Variants in HMCN2 observed in about 807,000 individuals in gnomAD.
HMCN2 encodes the protein hemicentin 2.
In HMCN2, 325 loss-of-function variants were observed where a neutral mutation model predicts 377.5. The observed-to-expected ratio is 0.86, with a 90% CI of 0.79 to 0.94. HMCN2 has a LOEUF of 0.94. Ranked by LOEUF, HMCN2 falls within the 40% of genes least tolerant of loss-of-function variation. The probability of loss-of-function intolerance (pLI) is 0.00; values close to 1 mark genes in which losing one functional copy is unlikely to be tolerated. For synonymous variants in HMCN2, 2,007 were observed against 2,046.8 expected, an observed-to-expected ratio of 0.98 and a Z score of 0.53; for missense variants, 4,543 against 4,725.3, an observed-to-expected ratio of 0.96 and a Z score of 1.13.
chr9:130,395,884 G>A (rs896455218), intron 71 of HMCN2, 40 bp from the exon 72 acceptor site: 19 of 1,264,472 alleles, frequency 1.5e-5, no homozygotes, highest in Non-Finnish European at 1.6e-5. Flanking sequence ...ACGCAGCTGG[G>A]CACTGATAAG....
chr9:130,303,035 C>T lies in HMCN2; in HGVS notation c.1421+34C>T, dbSNP rs535402020. On this transcript the variant is annotated intron_variant, in intron 9 of 97. Transcript: ENST00000683500. The surrounding 1 kb of genome is among the most constrained non-coding windows in gnomAD (Gnocchi z 5.2). The stretch of plus-strand genomic sequence containing the variant: ...CCCACGGCAGCTGATTGTCCCCAGC[C>T]ACAGGGCTCCTGGCTGCTGAGGCCC... 11 of 451,214 alleles carry T rather than the reference C, an allele frequency of 2.4e-5. No individual in the cohort carries two copies. Among genetic ancestry groups the T allele is most frequent in the South Asian group, 1.6e-4 (10 of 61,100 alleles). The allele number at this position is 451,214 out of a possible 1,614,324, so 28.0% of individuals were successfully genotyped here.
chr9:130,307,388 C>T (rs1443213180), intron 13 of HMCN2, 65 bp from the exon 14 acceptor site: 2 of 466,552 alleles, frequency 4.3e-6, no homozygotes, highest in East Asian at 7.0e-5. Context: ...TCCCTGAAGC[C>T]GTGGAAGACT....
chr9:130,365,711 C>T lies in HMCN2; in HGVS notation c.6489C>T (p.Tyr2163=). 3.0e-6 allele frequency: 3 copies of T among 985,858 alleles called. No individual in the cohort carries two copies. The highest frequency in any genetic ancestry group is 2.4e-6 in the Non-Finnish European group (2 of 829,906). The allele number at this position is 985,858 out of a possible 1,614,324, so 61.1% of individuals were successfully genotyped here. A position where few individuals can be genotyped will look rare whatever the true frequency, so the allele number is the denominator to read the frequency against. ...AGGCCGGCCACTCAGAGAAACACTACAATCTGAACGTCTGGGGTGAGGGTC... is the reference window on the plus strand; with the variant it reads ...AGGCCGGCCACTCAGAGAAACACTATAATCTGAACGTCTGGGGTGAGGGTC... ...LNQAGHSEKH[Y]NLNVWVAPVF... Residue 2163 remains tyrosine, a synonymous_variant, in exon 42 of 98, where the codon TAC becomes TAT. Transcript: ENST00000683500.
At chr9:130,332,725 C>T (rs1210275664) in intron 22 of HMCN2, among the ~76,000 whole-genome samples, 2 of 152,220 alleles carry the variant, frequency 1.3e-5, no homozygotes, top group African/African-American at 4.8e-5. Flanking sequence ...GGTCAGGCTA[C>T]AGGAAGAAGA....
intron 94 of HMCN2, 153 bp from the exon 95 acceptor site, chr9:130,430,131 G>C: frequency 1.5e-6 from 1 of 677,676 alleles, no homozygotes; most frequent in Non-Finnish European, 2.5e-6. Flanking sequence ...GAGTTGGTCC[G>C]GGAGAGGGGG....
At chr9:130,300,829 T>C (rs7021965) in intron 8 of HMCN2, among the ~76,000 whole-genome samples, 54,027 of 152,098 alleles carry the variant, frequency 0.36, 11,526 homozygotes, top group African/African-American at 0.61. Flanking sequence ...GGGAGAAGGG[T>C]GGATCTTTGG....
At chr9:130,267,476 A>ACG (rs1554919634) in intron 1 of HMCN2, among the ~76,000 whole-genome samples, 3,634 of 149,862 alleles carry the variant, frequency 0.024, 164 homozygotes, top group African/African-American at 0.075. Context: ...ACACACACAC[A>ACG]CGCACAGATT....
intron 1 of HMCN2, among the ~76,000 whole-genome samples, chr9:130,270,645 ATATT>A (rs1231369016): frequency 6.7e-6 from 1 of 149,214 alleles, no homozygotes; most frequent in African/African-American, 2.4e-5. Flanking sequence ...TTATGTATCA[ATATT>A]TATTTATTAG....
At chr9:130,400,996 G>GAGC in intron 77 of HMCN2, 49 bp downstream of exon 77, 1 of 1,249,342 alleles carries the variant, frequency 8.0e-7, no homozygotes, top group Non-Finnish European at 1.0e-6. Flanking sequence ...GAGACTGGGA[G>GAGC]AGCAGGCAGA....
rs968978662 is a variant in HMCN2 at position 130,423,690 on chromosome 9, C to T, written c.13381+964C>T. Among the ~76,000 whole-genome samples, 2 of 152,218 alleles carry T rather than the reference C, an allele frequency of 1.3e-5. No homozygotes were observed. The highest frequency in any genetic ancestry group is 6.5e-5 in the Admixed American group (1 of 15,276). On this transcript the variant is annotated intron_variant, in intron 87 of 97. Coordinates refer to ENST00000683500, the MANE Select transcript of HMCN2 (RefSeq NM_001291815.2). This position sits in a 1 kb window ranked among gnomAD's most constrained non-coding sequence, Gnocchi z 5.5. ...GAGCAAGTGGGGAGCGGGTGTGTTC[C>T]CCTTGCCCAGTCCATGGCCCCACCT...
chr9:130,374,112 G>A (rs959863135), intron 48 of HMCN2, among the ~76,000 whole-genome samples: 14 of 151,548 alleles, frequency 9.2e-5, no homozygotes, highest in African/African-American at 2.2e-4. Flanking sequence ...GGATGGGTGG[G>A]CGGTGGGTGT....
chr9:130,368,732 C>G (rs1300254380), intron 44 of HMCN2, among the ~76,000 whole-genome samples: 1 of 151,788 alleles, frequency 6.6e-6, no homozygotes, highest in South Asian at 2.1e-4. Flanking sequence ...CCTTACATGT[C>G]GGCAGGAGAG....
intron 8 of HMCN2, among the ~76,000 whole-genome samples, chr9:130,299,902 T>C (rs1311948077): frequency 1.4e-5 from 2 of 145,488 alleles, no homozygotes; most frequent in Non-Finnish European, 3.0e-5. Flanking sequence ...TACCCACCCA[T>C]TCATGCACTC....
intron 85 of HMCN2, among the ~76,000 whole-genome samples, chr9:130,416,708 G>T (rs1428776977): frequency 6.6e-6 from 1 of 152,138 alleles, no homozygotes; most frequent in African/African-American, 2.4e-5. Flanking sequence ...AGGTCTCACA[G>T]TACACATGTG....
At chr9:130,349,516 C>T (rs1264055231) in intron 28 of HMCN2, 21 bp from the exon 29 acceptor site, 3 of 1,301,226 alleles carry the variant, frequency 2.3e-6, no homozygotes, top group South Asian at 1.2e-5. Flanking sequence ...TTTCCCACCC[C>T]TCACGCCTTC....
At position 130,296,802 on chromosome 9, in the gene HMCN2, A is replaced by G. The variant is rs1554932350; in HGVS notation, c.1012+8A>G. The G allele has an allele frequency of 2.1e-6, 1 of 470,510 alleles. No homozygotes were observed. The highest frequency in any genetic ancestry group is 2.4e-5 in the Admixed American group (1 of 42,514). 29.1% of individuals were successfully genotyped at this position (470,510 alleles called of 1,614,324 possible). A position where few individuals can be genotyped will look rare whatever the true frequency, so the allele number is the denominator to read the frequency against. On this transcript the variant is annotated splice_region_variant and intron_variant, in intron 7 of 97. Coordinates refer to ENST00000683500, the MANE Select transcript of HMCN2 (RefSeq NM_001291815.2). ...TCGAGTGGCCCTTGCAAGGTACAGT[A>G]CCCCGACCCTACAGACAGTGCTGAG...
chr9:130,338,048 C>T, intron 23 of HMCN2, 27 bp downstream of exon 23: 1 of 152,842 alleles, frequency 6.5e-6, no homozygotes, highest in South Asian at 2.0e-4. Flanking sequence ...GCCCCAGTCC[C>T]TCCCTGTCCC....
At chr9:130,395,405 T>C (rs1053571799) in intron 71 of HMCN2, 58 bp downstream of exon 71, 60 of 1,218,738 alleles carry the variant, frequency 4.9e-5, no homozygotes, top group Non-Finnish European at 5.8e-5. Context: ...GCCTCAGACC[T>C]GACCTGGCCG....
intron 1 of HMCN2, among the ~76,000 whole-genome samples, chr9:130,282,899 C>G (rs956443685): frequency 1.3e-5 from 2 of 152,048 alleles, no homozygotes; most frequent in African/African-American, 2.4e-5. Flanking sequence ...GGCGAAACCC[C>G]GTCTCTACTA....
Sources: gnomAD v4.1 joint callset for allele counts (sites outside exome capture counted in the v4.1 genomes callset) on GRCh38, gnomAD v4.1.1 for gene constraint, Gnocchi (gnomAD v3.1) non-coding constraint, MANE v1.5 for transcripts, NCBI Gene and HGNC (gene_info 2026-07-23, HGNC 2026-07-21) for gene names.